The following TXNDC5 variants were observed in gnomAD, a reference collection of about 807,000 sequenced individuals.
TXNDC5 encodes the protein thioredoxin domain-containing protein 5.
Under a neutral mutation model 52.6 loss-of-function variants are expected in TXNDC5, and 44 were observed. That is an observed-to-expected ratio of 0.84 (90% confidence interval 0.66 to 1.08). TXNDC5 has a LOEUF of 1.08. Among genes scored for constraint, TXNDC5 ranks in the 50% least tolerant of loss-of-function variants. The pLI, the probability that TXNDC5 is intolerant of heterozygous loss-of-function variation, is 0.00. For missense variants in TXNDC5, 600 were observed against 565.5 expected (o/e 1.06, Z -0.62); for synonymous variants, 241 against 234.4 (o/e 1.03, Z -0.26).
chr6:7,907,413 C>A (rs1760773955), intron 1 of TXNDC5, among the ~76,000 whole-genome samples: 4 of 152,134 alleles, frequency 2.6e-5, no homozygotes, highest in Admixed American at 2.0e-4. Context: ...GCTACCTGGT[C>A]CAAATCTTGA....
rs1760192826 is a variant in TXNDC5 at position 7,891,621 on chromosome 6, C to T, written c.732G>A (p.Lys244=). The change falls in exon 5 of 10, where the codon AAG becomes AAA. Residue 244 remains lysine (K), a splice_region_variant and synonymous_variant. Coordinates refer to ENST00000379757, the MANE Select transcript of TXNDC5 (RefSeq NM_030810.5). ...CAGTTTAATAAGGGCTTTCACTCAC[C>T]TTGCCAATCTTGACAGTTTCGGAAT... ...LEHSETVKIG[K]VDCTQHYELC... is the part of the protein sequence containing the mutation. 1.2e-6 allele frequency: 2 copies of T among 1,613,330 alleles called. No homozygotes were observed. The highest frequency in any genetic ancestry group is 1.7e-6 in the Non-Finnish European group (2 of 1,179,460).
intron 8 of TXNDC5, 134 bp from the exon 9 acceptor site, chr6:7,884,622 A>G: frequency 8.1e-7 from 1 of 1,238,296 alleles, no homozygotes; most frequent in South Asian, 1.5e-5. Context: ...AAAATACCAA[A>G]TTCTCCCACT....
Position 7,882,806 on chromosome 6 carries a change from G to A in TXNDC5, c.*338C>T. 4.5e-6 allele frequency: 1 copy of A among 220,086 alleles called. No individual in the cohort carries two copies. The highest frequency in any genetic ancestry group is 9.1e-6 in the Non-Finnish European group (1 of 110,034). 13.6% of individuals were successfully genotyped at this position (220,086 alleles called of 1,614,324 possible). The stretch of plus-strand genomic sequence containing the variant: ...TTCACCAAAATCACTCAACTCAGGA[G>A]CCACAAATAGTCCAGCAATTTCATT... On this transcript the variant is annotated 3_prime_UTR_variant, in exon 10 of 10. Transcript: ENST00000379757.
rs377251000 is a variant in TXNDC5 at position 7,895,248 on chromosome 6, C to T, written c.520-46G>A. On this transcript the variant is annotated intron_variant, in intron 3 of 9. Transcript: ENST00000379757. Reference sequence around the variant, plus strand: ...AGTCATGGGTGTGTCAGTGGAGACACAGGGAAACCATCCAGGAGGTGACTG... The same window carrying T: ...AGTCATGGGTGTGTCAGTGGAGACATAGGGAAACCATCCAGGAGGTGACTG... 1.4e-5 allele frequency: 22 copies of T among 1,552,578 alleles called. No homozygotes were observed. In the African/African-American group the frequency reaches 2.4e-4, roughly 17 times the overall value.
intron 2 of TXNDC5, among the ~76,000 whole-genome samples, chr6:7,903,022 CCT>C (rs1050028420): frequency 2.0e-5 from 3 of 152,140 alleles, no homozygotes; most frequent in Non-Finnish European, 4.4e-5. Flanking sequence ...CATTACAGGT[CCT>C]GTGTCACCTT....
Position 7,895,152 on chromosome 6 carries a change from C to T in TXNDC5, c.570G>A (p.Gly190=). ...AGTTGCTTGCTGAGAGCTCATACAG[C>T]CCTTGCTTGAGCTCGGGGGCACTGG... The part of the protein sequence containing the change: ...EPPSAPELKQ[G]LYELSASNFE... The change falls in exon 4 of 10, where the codon GGG becomes GGA. Residue 190 remains glycine (G), a synonymous_variant. Transcript: ENST00000379757. 6.2e-7 allele frequency: 1 copy of T among 1,613,886 alleles called. No homozygotes were observed. Among genetic ancestry groups the T allele is most frequent in the South Asian group, 1.1e-5 (1 of 90,930 alleles).
rs759051176 is a variant in TXNDC5, at chr6:7,904,621, C to T, written c.366G>A (p.Thr122=). ...GGGCGGAGCACACGTCGGAGTGGGC[C>T]GTGCAGTCCACTTTAGCCACATAGA... ...AKVYVAKVDC[T]AHSDVCSAQG... The change falls in exon 2 of 10, where the codon ACG becomes ACA. Residue 122 remains threonine (T), a synonymous_variant. Transcript: ENST00000379757. 2.2e-4 allele frequency: 356 copies of T among 1,614,102 alleles called. No individual in the cohort carries two copies. The highest frequency in any genetic ancestry group is 3.0e-4 in the Non-Finnish European group (350 of 1,180,058).
At chr6:7,905,382 T>C (rs1475757392) in intron 1 of TXNDC5, among the ~76,000 whole-genome samples, 1 of 152,164 alleles carries the variant, frequency 6.6e-6, no homozygotes, top group Non-Finnish European at 1.5e-5. Flanking sequence ...TCTCAAAATT[T>C]AATCACCTGC....
rs1481878806 is a variant in TXNDC5 at position 7,910,705 on chromosome 6, C to T, written c.72G>A (p.Leu24=). The change falls in exon 1 of 10, where the codon CTG becomes CTA. Residue 24 remains leucine (L), a synonymous_variant. Transcript: ENST00000379757. ...RPAALTALLL[L]LLGHGGGGRW... ...GCCCGCCGCCGCCATGGCCCAGCAG[C>T]AGCAGCAGCAGCGCAGTCAGGGCCG... 21 of 1,080,298 alleles carry T rather than the reference C, an allele frequency of 1.9e-5. No individual in the cohort carries two copies. Among genetic ancestry groups the T allele is most frequent in the Non-Finnish European group, 2.3e-5 (21 of 894,502 alleles). 66.9% of individuals were successfully genotyped at this position (1,080,298 alleles called of 1,614,324 possible).
At chr6:7,899,009 C>G (rs1760471012) in intron 3 of TXNDC5, among the ~76,000 whole-genome samples, 1 of 151,962 alleles carries the variant, frequency 6.6e-6, no homozygotes, top group South Asian at 2.1e-4. Flanking sequence ...CCTACGGGTA[C>G]AGCTGTCGGG....
chr6:7,904,884 C>T (rs971522456), intron 1 of TXNDC5, among the ~76,000 whole-genome samples, 161 bp from the exon 2 acceptor site: 1 of 152,214 alleles, frequency 6.6e-6, no homozygotes, highest in African/African-American at 2.4e-5. Context: ...CTCTCCCCTG[C>T]TCCCATCCCT....
chr6:7,883,663 C>T (rs1405425030), intron 9 of TXNDC5, among the ~76,000 whole-genome samples: 2 of 152,138 alleles, frequency 1.3e-5, no homozygotes, highest in African/African-American at 2.4e-5. Flanking sequence ...ACCATGAGAG[C>T]AAGATCCTCT....
chr6:7,902,034 C>A (rs1760584446), intron 2 of TXNDC5, among the ~76,000 whole-genome samples: 1 of 152,126 alleles, frequency 6.6e-6, no homozygotes. Flanking sequence ...GAGAGACACA[C>A]ACACACAGAG....
intron 4 of TXNDC5, among the ~76,000 whole-genome samples, chr6:7,893,572 G>GT (rs1414475471): frequency 6.6e-6 from 1 of 152,226 alleles, no homozygotes; most frequent in African/African-American, 2.4e-5. Flanking sequence ...GAGTCGGTCC[G>GT]TAACAGGTGA....
rs575299931 is a variant in TXNDC5 at position 7,894,876 on chromosome 6, C to G, written c.616+230G>C. 4 of 985,270 alleles carry G rather than the reference C, an allele frequency of 4.1e-6. No homozygotes were observed. In the African/African-American group the frequency reaches 7.0e-5, roughly 17 times the overall value. 61.0% of individuals were successfully genotyped at this position (985,270 alleles called of 1,614,324 possible). A position where few individuals can be genotyped will look rare whatever the true frequency, so the allele number is the denominator to read the frequency against. On this transcript the variant is annotated intron_variant, in intron 4 of 9. Transcript: ENST00000379757. The stretch of plus-strand genomic sequence containing the variant: ...CACTGTCCAGCTAGTGTGCGGGTCA[C>G]GTGTGCTTAGCATTAGACTCGGCGT...
intron 1 of TXNDC5, among the ~76,000 whole-genome samples, chr6:7,909,215 C>T (rs1379679359): frequency 6.6e-6 from 1 of 152,198 alleles, no homozygotes; most frequent in Non-Finnish European, 1.5e-5. Flanking sequence ...CTGAACTGGC[C>T]ATTTTTCTTA....
chr6:7,885,477 G>A (rs999239944), intron 8 of TXNDC5, among the ~76,000 whole-genome samples: 8 of 152,182 alleles, frequency 5.3e-5, no homozygotes, highest in Admixed American at 5.2e-4. Flanking sequence ...GTGGCATGCA[G>A]GTTCAGGAAA....
rs773668852 is a variant in TXNDC5, at chr6:7,888,848, C to T, written c.820G>A (p.Val274Met). The T allele has an allele frequency of 1.2e-6, 2 of 1,606,948 alleles. No individual in the cohort carries two copies. Among genetic ancestry groups the T allele is most frequent in the South Asian group, 2.2e-5 (2 of 89,910 alleles). ...TCCCGCTTTCCCTTGTACTGATCCA[C>T]CTGGCCAAGACACGGGCACGCGGCT... Reference protein sequence around the residue: ...TLLWFRDGKKVDQYKGKRDLE... With the variant: ...TLLWFRDGKKMDQYKGKRDLE... The change falls in exon 7 of 10, where the codon GTG becomes ATG. Residue 274 changes from valine to methionine, a missense_variant and splice_region_variant. Val to Met is a conservative substitution (Grantham distance 21). Coordinates refer to ENST00000379757, the MANE Select transcript of TXNDC5 (RefSeq NM_030810.5).
rs200415978 is a variant in TXNDC5 at position 7,888,685 on chromosome 6, C to T, written c.963+20G>A. The T allele has an allele frequency of 2.0e-5, 32 of 1,598,010 alleles. No individual in the cohort carries two copies. The Admixed American group carries it at 2.5e-4, about 13-fold the overall frequency. Reference sequence around the variant, plus strand: ...GGCCACGGGCCACTTATGGGGATCCCGACTCCAGCAGGCACCCACCTTGTC... The same window carrying T: ...GGCCACGGGCCACTTATGGGGATCCTGACTCCAGCAGGCACCCACCTTGTC... On this transcript the variant is annotated intron_variant, in intron 7 of 9. Coordinates refer to ENST00000379757, the MANE Select transcript of TXNDC5 (RefSeq NM_030810.5).
Sources: gnomAD v4.1 joint callset for allele counts (sites outside exome capture counted in the v4.1 genomes callset) on GRCh38, gnomAD v4.1.1 for gene constraint, MANE v1.5 for transcripts, NCBI Gene and HGNC (gene_info 2026-07-23, HGNC 2026-07-21) for gene names.